The following CAMK2A variants were observed in gnomAD, a reference collection of about 807,000 sequenced individuals.
CAMK2A encodes the protein calcium/calmodulin dependent protein kinase II alpha.
CAMK2A carries 7 observed loss-of-function variants against 79.2 expected under a neutral mutation model. That is an observed-to-expected ratio of 0.09 (90% CI 0.05 to 0.17). The LOEUF is 0.17. CAMK2A is among the 10% of genes least tolerant of loss of function. CAMK2A has a pLI of 1.00. For synonymous variants in CAMK2A, 242 were observed against 251.7 expected, an observed-to-expected ratio of 0.96 and a Z score of 0.36; for missense variants, 214 against 646.4, an observed-to-expected ratio of 0.33 and a Z score of 7.25.
intron 12 of CAMK2A, among the ~76,000 whole-genome samples, chr5:150,246,056 A>G (rs1562157935): frequency 6.6e-6 from 1 of 152,254 alleles, no homozygotes; most frequent in South Asian, 2.1e-4. Flanking sequence ...TAAGCCGCAC[A>G]TGCTCAGGAA....
intron 7 of CAMK2A, among the ~76,000 whole-genome samples, chr5:150,252,693 CACTT>C (rs1170664833): frequency 6.6e-6 from 1 of 152,134 alleles, no homozygotes; most frequent in Non-Finnish European, 1.5e-5. Context: ...CTTTTAAGAA[CACTT>C]ACAAGTTACC....
intron 15 of CAMK2A, among the ~76,000 whole-genome samples, chr5:150,236,107 CTT>C (rs1402648724): frequency 6.6e-6 from 1 of 152,132 alleles, no homozygotes; most frequent in Non-Finnish European, 1.5e-5. Flanking sequence ...AAATTCAAGA[CTT>C]TGCAAATTAC....
At chr5:150,228,145 G>A (rs1562134037) in intron 17 of CAMK2A, 47 bp downstream of exon 17, 1 of 1,497,938 alleles carries the variant, frequency 6.7e-7, no homozygotes, top group Admixed American at 1.8e-5. Context: ...AGCAGGACAT[G>A]GAACGAGAGC....
At chr5:150,239,319 C>T (rs1409742260) in intron 14 of CAMK2A, among the ~76,000 whole-genome samples, 1 of 152,162 alleles carries the variant, frequency 6.6e-6, no homozygotes, top group Non-Finnish European at 1.5e-5. Flanking sequence ...CTCTGTGGCA[C>T]CTACTACTTT....
intron 11 of CAMK2A, among the ~76,000 whole-genome samples, chr5:150,248,394 G>C (rs1367429975): frequency 1.3e-5 from 2 of 148,498 alleles, no homozygotes; most frequent in Non-Finnish European, 3.0e-5. Flanking sequence ...GTGCAGGTTT[G>C]TTACATATGT....
intron 1 of CAMK2A, among the ~76,000 whole-genome samples, chr5:150,280,219 T>C (rs1013386360): frequency 7.2e-5 from 11 of 152,092 alleles, no homozygotes; most frequent in African/African-American, 2.7e-4. Flanking sequence ...CATCTGTGAG[T>C]CTCAGCAAAC....
At chr5:150,273,031 T>G in intron 2 of CAMK2A, 34 bp downstream of exon 2, 1 of 1,532,816 alleles carries the variant, frequency 6.5e-7, no homozygotes, top group Non-Finnish European at 9.0e-7. Context: ...AGGAGAGCCC[T>G]GGAGGGTGGG....
At chr5:150,289,829 C>A, upstream of CAMK2A, 1 of 542,446 alleles carries the variant, frequency 1.8e-6, no homozygotes, top group Non-Finnish European at 3.3e-6. Context: ...CATCCAGGTC[C>A]CCATGGCAAC....
At chr5:150,245,704 G>A (rs886439360) in intron 12 of CAMK2A, among the ~76,000 whole-genome samples, 1 of 152,204 alleles carries the variant, frequency 6.6e-6, no homozygotes, top group Non-Finnish European at 1.5e-5. Context: ...ACAAGAAGCA[G>A]ATGCCCCCAC....
intron 15 of CAMK2A, among the ~76,000 whole-genome samples, chr5:150,237,921 G>A (rs1755154678): frequency 6.6e-6 from 1 of 151,918 alleles, no homozygotes; most frequent in South Asian, 2.1e-4. Context: ...ACTAGCTCCA[G>A]TGGCGCCGGC....
At chr5:150,239,642 G>A in intron 14 of CAMK2A, 62 bp downstream of exon 14, 1 of 1,507,146 alleles carries the variant, frequency 6.6e-7, no homozygotes, top group Non-Finnish European at 9.2e-7. Context: ...CTGCAGGAGG[G>A]AGGCAGGAGC....
At chr5:150,225,225 C>T (rs550351603) in intron 17 of CAMK2A, among the ~76,000 whole-genome samples, 1 of 152,056 alleles carries the variant, frequency 6.6e-6, no homozygotes, top group Non-Finnish European at 1.5e-5. Context: ...TTGCTGCAGT[C>T]AGCAAGGGCT....
At chr5:150,224,162 T>G (rs1239416738) in intron 17 of CAMK2A, among the ~76,000 whole-genome samples, 1 of 152,212 alleles carries the variant, frequency 6.6e-6, no homozygotes, top group Non-Finnish European at 1.5e-5. Context: ...TCTCCAGGAC[T>G]ATTATTATAT....
rs565931572 is a variant in CAMK2A, at chr5:150,262,193, C to T, written c.217+2763G>A. ...CCTGGGGACTGGACTGACCTGGGAC[C>T]TCACTGACCTGGACCCCTGGGGAGC... On this transcript the variant is annotated intron_variant, in intron 3 of 18. Coordinates refer to ENST00000671881, the MANE Select transcript of CAMK2A (RefSeq NM_015981.4). 1.2e-4 allele frequency among the ~76,000 whole-genome samples: 18 copies of T among 152,294 alleles called. No homozygotes were observed. The East Asian group carries it at 3.3e-3, about 28-fold the overall frequency.
At chr5:150,233,670 G>A (rs979443647) in intron 15 of CAMK2A, among the ~76,000 whole-genome samples, 6 of 152,148 alleles carry the variant, frequency 3.9e-5, no homozygotes, top group Non-Finnish European at 7.4e-5. Context: ...AAGTTGCCTG[G>A]TAGCCACTGT....
intron 3 of CAMK2A, among the ~76,000 whole-genome samples, chr5:150,260,649 C>A (rs992124637): frequency 1.3e-5 from 2 of 152,024 alleles, no homozygotes; most frequent in Non-Finnish European, 2.9e-5. Context: ...GGTAACCTGA[C>A]CTGAGATGAT....
chr5:150,269,904 G>A (rs908071057), intron 2 of CAMK2A, among the ~76,000 whole-genome samples: 15 of 152,208 alleles, frequency 9.9e-5, no homozygotes, highest in African/African-American at 3.6e-4. Context: ...CTCTAGTGCA[G>A]GCTGGATGAG....
At chr5:150,245,246 A>G (rs1307738063) in intron 12 of CAMK2A, 45 bp from the exon 13 acceptor site, 4 of 1,591,702 alleles carry the variant, frequency 2.5e-6, no homozygotes. Flanking sequence ...CAGGCAGGGC[A>G]CCAGGGCCCA....
intron 1 of CAMK2A, among the ~76,000 whole-genome samples, chr5:150,278,836 C>G (rs929173230): frequency 6.6e-6 from 1 of 152,032 alleles, no homozygotes; most frequent in Non-Finnish European, 1.5e-5. Context: ...TGCTGTGAGG[C>G]TGTAGGTGTG....
Sources: gnomAD v4.1 joint callset for allele counts (sites outside exome capture counted in the v4.1 genomes callset) on GRCh38, gnomAD v4.1.1 for gene constraint, MANE v1.5 for transcripts, NCBI Gene and HGNC (gene_info 2026-07-23, HGNC 2026-07-21) for gene names.